Variants in CEP97 observed in about 807,000 individuals in gnomAD.
CEP97 encodes centrosomal protein of 97 kDa.
CEP97 carries 43 observed loss-of-function variants against 73.1 expected under a neutral mutation model. That is an observed-to-expected ratio of 0.59 (90% CI 0.46 to 0.76). The LOEUF (loss-of-function observed/expected upper bound fraction) is 0.76, where lower values mean the gene tolerates loss of function less well. Among genes scored for constraint, CEP97 ranks in the 30% least tolerant of loss-of-function variants. The pLI is 0.00. For missense variants in CEP97, 939 were observed against 1,014.0 expected (o/e 0.93, Z 1.00); for synonymous variants, 337 against 370.0 (o/e 0.91, Z 1.02).
chr3:101,726,743 A>G lies in CEP97; in HGVS notation c.186+7A>G, dbSNP rs1490338692. 1.3e-6 allele frequency: 2 copies of G among 1,578,192 alleles called. No individual in the cohort carries two copies. The highest frequency in any genetic ancestry group is 1.7e-6 in the Non-Finnish European group (2 of 1,160,388). On this transcript the variant is annotated splice_region_variant and intron_variant, in intron 2 of 10. Coordinates refer to ENST00000341893, the MANE Select transcript of CEP97 (RefSeq NM_024548.4). ...ATGCAAACGATTAATACAGGTAGGTATTGCAATCTGGGAAATGGTTACATA... is the reference window on the plus strand; with the variant it reads ...ATGCAAACGATTAATACAGGTAGGTGTTGCAATCTGGGAAATGGTTACATA...
In CEP97 at chr3:101,757,731, G is replaced by A. The variant is rs776938685; in HGVS notation, c.1125G>A (p.Thr375=). ...KNNFPASVHT[T]RYSRNDLHLE... ...ATTTTCCAGCCTCTGTACACACTAC[G>A]AGATATTCTCGAAATGATCTGCACC... Residue 375 remains threonine, a synonymous_variant, in exon 9 of 11, where the codon ACG becomes ACA. Transcript: ENST00000341893. 27 of 1,614,040 alleles carry A rather than the reference G, an allele frequency of 1.7e-5. No homozygotes were observed. The highest frequency in any genetic ancestry group is 2.1e-5 in the Non-Finnish European group (25 of 1,180,038).
chr3:101,747,431 TTG>T (rs1938657010), intron 6 of CEP97, among the ~76,000 whole-genome samples: 2 of 151,516 alleles, frequency 1.3e-5, no homozygotes, highest in Non-Finnish European at 2.9e-5. Flanking sequence ...GGCTAATTTT[TTG>T]TGTTTTTAGT....
Position 101,749,333 on chromosome 3 carries a change from T to C in CEP97, c.729-6097T>C, listed in dbSNP as rs937139207. ...TACAAAGGACATGAACTCATCATTT[T>C]TTATGGCTGCATAGTATTCCATGGT... On this transcript the variant is annotated intron_variant, in intron 6 of 10. Transcript: ENST00000341893. Among the ~76,000 whole-genome samples, 8 of 150,566 alleles carry C rather than the reference T, an allele frequency of 5.3e-5. No individual in the cohort carries two copies. In the East Asian group the frequency reaches 1.6e-3, roughly 29 times the overall value.
At chr3:101,753,376 G>T (rs1938897991) in intron 6 of CEP97, among the ~76,000 whole-genome samples, 1 of 152,254 alleles carries the variant, frequency 6.6e-6, no homozygotes, top group Non-Finnish European at 1.5e-5. Context: ...TGAGGAGGCA[G>T]TCTGCCCGTT....
intron 1 of CEP97, 101 bp downstream of exon 1, chr3:101,724,820 G>C (rs780014804): frequency 1.6e-6 from 2 of 1,251,978 alleles, no homozygotes; most frequent in Non-Finnish European, 2.3e-6. Flanking sequence ...TTCTGGACCA[G>C]TTCTTTTGAT....
chr3:101,765,111 T>A lies in CEP97; in HGVS notation c.2158T>A (p.Phe720Ile). ...QVHSLQHSLD[F>I]EKSSTEGSES... ...TCATTCATTGCAGCATTCTTTGGAT[T>A]TTGAGAAAAGTTCCACAGAAGGCAG... The change falls in exon 11 of 11, where the codon TTT (phenylalanine) becomes ATT (isoleucine). Residue 720 changes from phenylalanine (F) to isoleucine (I), a missense_variant. Phe to Ile is a conservative substitution (Grantham distance 21). Transcript: ENST00000341893. The A allele has an allele frequency of 1.2e-6, 2 of 1,614,198 alleles. No individual in the cohort carries two copies. The highest frequency in any genetic ancestry group is 1.7e-6 in the Non-Finnish European group (2 of 1,180,036).
chr3:101,744,145 T>C (rs981953324), intron 6 of CEP97, among the ~76,000 whole-genome samples: 1 of 152,178 alleles, frequency 6.6e-6, no homozygotes, highest in Non-Finnish European at 1.5e-5. Context: ...ATATATACTT[T>C]GTTACCCAGC....
Position 101,768,265 on chromosome 3 carries a change from TTAG to T in CEP97, c.*2720_*2722del, listed in dbSNP as rs1466839686. 3.3e-5 allele frequency: 5 copies of T among 152,238 alleles called. No individual in the cohort carries two copies. The highest frequency in any genetic ancestry group is 7.3e-5 in the Non-Finnish European group (5 of 68,032). 9.4% of individuals were successfully genotyped at this position (152,238 alleles called of 1,614,324 possible). ...AATGACTTGTCTAAGTTATAGCTAGTTAGTAGTAAATAAACTGAAAACCTATAT... is the reference window on the plus strand; with the variant it reads ...AATGACTTGTCTAAGTTATAGCTAGTTAGTAAATAAACTGAAAACCTATAT... On this transcript the variant is annotated 3_prime_UTR_variant, in exon 11 of 11. Transcript: ENST00000341893.
chr3:101,732,995 C>T (rs922069122), intron 6 of CEP97, among the ~76,000 whole-genome samples: 4 of 150,842 alleles, frequency 2.7e-5, no homozygotes, highest in Non-Finnish European at 5.9e-5. Context: ...TGGTGGTACA[C>T]ACCTGTAGTC....
At chr3:101,762,605 G>C in intron 10 of CEP97, 45 bp downstream of exon 10, 1 of 1,396,032 alleles carries the variant, frequency 7.2e-7, no homozygotes, top group Non-Finnish European at 1.0e-6. Context: ...ATCAAATACA[G>C]ATTCTATATT....
intron 6 of CEP97, 148 bp from the exon 7 acceptor site, chr3:101,755,282 A>AT (rs2107180190): frequency 7.0e-6 from 5 of 711,528 alleles, no homozygotes; most frequent in Non-Finnish European, 1.1e-5. Flanking sequence ...AGAATGATAG[A>AT]TTTTTTAAAA....
chr3:101,738,811 G>GA (rs1938359094), intron 6 of CEP97, among the ~76,000 whole-genome samples: 1 of 152,090 alleles, frequency 6.6e-6, no homozygotes, highest in African/African-American at 2.4e-5. Flanking sequence ...AAAGCTAGCA[G>GA]AAAACAAGAA....
At chr3:101,738,880 T>C (rs1309618625) in intron 6 of CEP97, among the ~76,000 whole-genome samples, 3 of 152,030 alleles carry the variant, frequency 2.0e-5, no homozygotes, top group Non-Finnish European at 4.4e-5. Context: ...CTTCAAAAAA[T>C]CAATGAATTC....
At chr3:101,726,781 T>C in intron 2 of CEP97, 45 bp downstream of exon 2, 7 of 1,390,524 alleles carry the variant, frequency 5.0e-6, no homozygotes, top group Non-Finnish European at 5.9e-6. Flanking sequence ...ATCAATTTAT[T>C]ATTAAACAAA....
chr3:101,765,155 G>A lies in CEP97; in HGVS notation c.2202G>A (p.Gly734=), dbSNP rs1271254586. ...STEGSESSIM[G]NSIDTVRYGK... ...AAGGCAGTGAAAGCTCCATAATGGG[G>A]AATTCCATTGACACAGTCAGATATG... Residue 734 remains glycine (G), a synonymous_variant, in exon 11 of 11, where the codon GGG becomes GGA. Coordinates refer to ENST00000341893, the MANE Select transcript of CEP97 (RefSeq NM_024548.4). The A allele has an allele frequency of 1.2e-6, 2 of 1,614,054 alleles. No homozygotes were observed. The highest frequency in any genetic ancestry group is 2.7e-5 in the African/African-American group (2 of 74,920).
In CEP97 at chr3:101,725,012, T is replaced by G. The variant is rs567726737; in HGVS notation, c.43+293T>G. ...GCTGAGGAGGCGGTGGATTTCGGGC[T>G]GCGATGACCTTTCTTGACCATTTAC... On this transcript the variant is annotated intron_variant, in intron 1 of 10. Coordinates refer to ENST00000341893, the MANE Select transcript of CEP97 (RefSeq NM_024548.4). 2.6e-5 allele frequency among the ~76,000 whole-genome samples: 4 copies of G among 152,352 alleles called. No homozygotes were observed. In the East Asian group the frequency reaches 7.7e-4, roughly 29 times the overall value.
At chr3:101,744,166 C>A (rs944047159) in intron 6 of CEP97, among the ~76,000 whole-genome samples, 2 of 151,984 alleles carry the variant, frequency 1.3e-5, no homozygotes, top group African/African-American at 4.8e-5. Context: ...AATTTTACTT[C>A]ACATGTATAC....
intron 8 of CEP97, among the ~76,000 whole-genome samples, chr3:101,757,416 A>G (rs1439912252): frequency 2.0e-5 from 3 of 152,138 alleles, no homozygotes; most frequent in Non-Finnish European, 4.4e-5. Flanking sequence ...AAGGACTACT[A>G]CCTTTTATAT....
chr3:101,751,056 A>T (rs1046467793), intron 6 of CEP97, among the ~76,000 whole-genome samples: 2 of 152,228 alleles, frequency 1.3e-5, no homozygotes, highest in Non-Finnish European at 2.9e-5. Flanking sequence ...ATTTAGTGCT[A>T]TAAATTTCCC....
Sources: gnomAD v4.1 joint callset for allele counts (sites outside exome capture counted in the v4.1 genomes callset) on GRCh38, gnomAD v4.1.1 for gene constraint, MANE v1.5 for transcripts, NCBI Gene and HGNC (gene_info 2026-07-23, HGNC 2026-07-21) for gene names.